CFAP74: variants seen among roughly 807,000 people sequenced by gnomAD.
CFAP74 encodes the protein cilia- and flagella-associated protein 74.
Under a neutral mutation model 188.9 loss-of-function variants are expected in CFAP74, and 124 were observed. That is an observed-to-expected ratio of 0.66 (90% CI 0.57 to 0.76). CFAP74 has a LOEUF of 0.76. Ranked by LOEUF, CFAP74 falls within the 30% of genes least tolerant of loss-of-function variation. The pLI is 0.00. For missense variants in CFAP74, 2,198 were observed against 2,165.2 expected, an observed-to-expected ratio of 1.02 and a Z score of -0.30; for synonymous variants, 956 against 916.7, an observed-to-expected ratio of 1.04 and a Z score of -0.77.
chr1:1,978,227 C>T (rs1656574867), intron 6 of CFAP74, among the ~76,000 whole-genome samples: 1 of 152,182 alleles, frequency 6.6e-6, no homozygotes, highest in Non-Finnish European at 1.5e-5. Context: ...GAGTCCTGTG[C>T]CCTTTGAAAG....
In CFAP74 at chr1:1,970,809, AGT is replaced by A. The variant is rs752912532; in HGVS notation, c.894_895del (p.Leu299AlafsTer21). 8 of 1,614,072 alleles carry A rather than the reference AGT, an allele frequency of 5.0e-6. No individual in the cohort carries two copies. The highest frequency in any genetic ancestry group is 6.8e-6 in the Non-Finnish European group (8 of 1,179,988). ...ACGGTCCCATGCTTGGAACTTCCGC[AGT>A]GTGTCCTTGGAAACAGAGAGCACTG... On this transcript the variant is annotated frameshift_variant, in exon 10 of 39. Coordinates refer to ENST00000682832, the MANE Select transcript of CFAP74 (RefSeq NM_001304360.2). LOFTEE classifies it high-confidence loss of function.
chr1:1,988,561 C>A lies in CFAP74; in HGVS notation c.247G>T (p.Ala83Ser), dbSNP rs183305704. 35 of 1,613,418 alleles carry A rather than the reference C, an allele frequency of 2.2e-5. No individual in the cohort carries two copies. In the South Asian group the frequency reaches 3.3e-4, roughly 15 times the overall value. The change falls in exon 4 of 39, where the codon GCC becomes TCC. Residue 83 changes from alanine to serine, a missense_variant. Transcript: ENST00000682832. ...QAFHLRQNLS[A>S]LDKMHEEQEL... Reference sequence around the variant, plus strand: ...TGCTCCTCATGCATCTTATCCAGGGCGCTCAGGTTCTGCCGCAGGTGAAAT... The same window carrying A: ...TGCTCCTCATGCATCTTATCCAGGGAGCTCAGGTTCTGCCGCAGGTGAAAT...
chr1:1,957,589 G>A (rs1276468502), intron 16 of CFAP74, among the ~76,000 whole-genome samples: 2 of 152,330 alleles, frequency 1.3e-5, no homozygotes, highest in East Asian at 3.9e-4. Flanking sequence ...CTGTCACAGA[G>A]GAGCACTTGA....
intron 14 of CFAP74, among the ~76,000 whole-genome samples, chr1:1,962,058 G>A (rs935018972): frequency 1.3e-5 from 2 of 152,186 alleles, no homozygotes; most frequent in South Asian, 2.1e-4. Flanking sequence ...ACTTCACAAC[G>A]CTCGCGGGAG....
At chr1:1,999,429 T>C (rs1034827401) in intron 1 of CFAP74, among the ~76,000 whole-genome samples, 1 of 152,168 alleles carries the variant, frequency 6.6e-6, no homozygotes, top group Non-Finnish European at 1.5e-5. Flanking sequence ...GGGGTGGGAA[T>C]GGAGCCTTGT....
rs1368328544 is a variant in CFAP74, at chr1:1,972,714, C to T, written c.785+223G>A. ...TACAAAAATTAGCCGGGCATGGTGG[C>T]GCGTGCCTGTAATCCCAGCTACTCA... On this transcript the variant is annotated intron_variant, in intron 8 of 38. Transcript: ENST00000682832. 4.6e-5 allele frequency among the ~76,000 whole-genome samples: 7 copies of T among 152,124 alleles called. 2 individuals carry two copies. The South Asian group carries it at 6.2e-4, about 13-fold the overall frequency.
intron 6 of CFAP74, among the ~76,000 whole-genome samples, chr1:1,974,663 G>A (rs940325152): frequency 2.0e-5 from 3 of 152,230 alleles, no homozygotes; most frequent in Non-Finnish European, 4.4e-5. Context: ...AGCCCTGCCC[G>A]GGGCCACATG....
rs765002036 is a variant in CFAP74, at chr1:1,925,905, C to T, written c.3982G>A (p.Gly1328Ser). Residue 1328 changes from glycine to serine, a missense_variant, in exon 33 of 39, where the codon GGC (glycine) becomes AGC (serine). Gly to Ser is a moderately conservative substitution (Grantham distance 56). Coordinates refer to ENST00000682832, the MANE Select transcript of CFAP74 (RefSeq NM_001304360.2). ...QETLDIITKRGTLTLTLMGTG... is the reference protein window; with the variant it reads ...QETLDIITKRSTLTLTLMGTG... ...CCCATGAGGGTGAGGGTGAGCGTGCCTCTCTTGGTGATGATGTCCAGTGTT... is the reference window on the plus strand; with the variant it reads ...CCCATGAGGGTGAGGGTGAGCGTGCTTCTCTTGGTGATGATGTCCAGTGTT... 4 of 1,611,986 alleles carry T rather than the reference C, an allele frequency of 2.5e-6. No homozygotes were observed. Among genetic ancestry groups the T allele is most frequent in the Non-Finnish European group, 3.4e-6 (4 of 1,179,586 alleles).
intron 13 of CFAP74, among the ~76,000 whole-genome samples, chr1:1,964,442 T>C (rs1655313703): frequency 6.6e-6 from 1 of 152,196 alleles, no homozygotes; most frequent in African/African-American, 2.4e-5. Flanking sequence ...GAAGAGAAGG[T>C]CCACACTTGG....
At chr1:1,932,603 T>C (rs1652504402) in intron 25 of CFAP74, among the ~76,000 whole-genome samples, 1 of 151,216 alleles carries the variant, frequency 6.6e-6, no homozygotes. Context: ...TTTTTTTCTT[T>C]TTTTTTTTGA....
chr1:1,955,214 A>G, intron 18 of CFAP74: 2 of 1,289,378 alleles, frequency 1.6e-6, no homozygotes, highest in Non-Finnish European at 2.0e-6. Flanking sequence ...GAAAACGATC[A>G]AGAGAAGCAA....
In CFAP74 at chr1:1,985,424, G is replaced by T. The variant is rs537562639; in HGVS notation, c.462C>A (p.Asp154Glu). Reference protein sequence around the residue: ...RLFAELENERDLQSRTEAVLK... With the variant: ...RLFAELENERELQSRTEAVLK... ...GCACGGCCTCAGTCCTCGACTGCAG[G>T]TCTCTCTCGTTCTCCAGCTCTGCAA... Residue 154 changes from aspartate (D) to glutamate (E), a missense_variant, in exon 6 of 39, where the codon GAC becomes GAA. Transcript: ENST00000682832. 1.9e-6 allele frequency: 3 copies of T among 1,614,100 alleles called. No individual in the cohort carries two copies. Among genetic ancestry groups the T allele is most frequent in the African/African-American group, 1.3e-5 (1 of 75,070 alleles).
chr1:1,928,487 G>A (rs781147159), intron 27 of CFAP74, among the ~76,000 whole-genome samples: 21 of 152,228 alleles, frequency 1.4e-4, no homozygotes, highest in Non-Finnish European at 2.2e-4. Context: ...CCTCCAGGTT[G>A]TTGGAGGGGC....
intron 25 of CFAP74, among the ~76,000 whole-genome samples, chr1:1,936,239 A>G (rs942042458): frequency 1.3e-5 from 2 of 150,354 alleles, no homozygotes; most frequent in African/African-American, 2.4e-5. Context: ...AAAGAAAAAA[A>G]GAAAAGAAAA....
At chr1:1,991,806 A>G (rs146074182) in intron 1 of CFAP74, among the ~76,000 whole-genome samples, 2,333 of 152,094 alleles carry the variant, frequency 0.015, 60 homozygotes, top group African/African-American at 0.049. Context: ...TTGGGAGGCC[A>G]AGGTGGGCGG....
At chr1:1,970,624 G>A (rs906443737) in intron 10 of CFAP74, 35 bp downstream of exon 10, 5 of 1,576,584 alleles carry the variant, frequency 3.2e-6, no homozygotes, top group Non-Finnish European at 4.3e-6. Flanking sequence ...GACTGGGCGG[G>A]TGCCTCCCGG....
chr1:1,925,255 G>A (rs1470943465), intron 33 of CFAP74, among the ~76,000 whole-genome samples: 13 of 135,868 alleles, frequency 9.6e-5, no homozygotes, highest in Non-Finnish European at 1.9e-4. Context: ...AGGGCACACA[G>A]GGCAGCGCGA....
chr1:1,948,015 C>G lies in CFAP74; in HGVS notation c.2177-961G>C, dbSNP rs186147461. Among the ~76,000 whole-genome samples, 53 of 152,128 alleles carry G rather than the reference C, an allele frequency of 3.5e-4. No homozygotes were observed. The East Asian group carries it at 6.2e-3, about 18-fold the overall frequency. On this transcript the variant is annotated intron_variant, in intron 18 of 38. Transcript: ENST00000682832. ...AGCCTTCCGAGTAGCTGGGATTACA[C>G]GCACCTGCCATCATGCCTGGCTAAT... is the stretch of plus-strand genomic sequence containing the variant.
intron 6 of CFAP74, among the ~76,000 whole-genome samples, chr1:1,982,892 C>T (rs1025309495): frequency 2.0e-5 from 3 of 152,212 alleles, no homozygotes; most frequent in African/African-American, 4.8e-5. Context: ...GGCAGAGCTG[C>T]GTGCGTTTCC....
Sources: allele counts gnomAD v4.1 joint callset (sites outside exome capture counted in the v4.1 genomes callset), GRCh38; gene constraint gnomAD v4.1.1; transcripts MANE v1.5; gene names NCBI Gene and HGNC (gene_info 2026-07-23, HGNC 2026-07-21).